The following PRKCB variants were observed in gnomAD, a reference collection of about 807,000 sequenced individuals.
The protein encoded by PRKCB is protein kinase C beta type.
Under a neutral mutation model 81.5 loss-of-function variants are expected in PRKCB, and 13 were observed. That is an observed-to-expected ratio of 0.16 (90% CI 0.10 to 0.25). The LOEUF is 0.25. Among genes scored for constraint, PRKCB ranks in the 10% least tolerant of loss-of-function variants. PRKCB has a pLI of 1.00. For missense variants in PRKCB, 509 were observed against 875.7 expected, an observed-to-expected ratio of 0.58 and a Z score of 5.29; for synonymous variants, 335 against 321.4, an observed-to-expected ratio of 1.04 and a Z score of -0.45.
At chr16:24,126,563 T>C (rs1966844580) in intron 9 of PRKCB, among the ~76,000 whole-genome samples, 1 of 152,172 alleles carries the variant, frequency 6.6e-6, no homozygotes, top group Non-Finnish European at 1.5e-5. Context: ...CATGCCTGGC[T>C]AATTTTTGTT....
At chr16:23,925,436 C>T (rs958682666) in intron 2 of PRKCB, among the ~76,000 whole-genome samples, 1 of 151,972 alleles carries the variant, frequency 6.6e-6, no homozygotes, top group Non-Finnish European at 1.5e-5. Context: ...CTCTCGTTAA[C>T]CAGGATGCCT....
chr16:24,118,156 C>T (rs1382997933), intron 8 of PRKCB, among the ~76,000 whole-genome samples: 1 of 152,198 alleles, frequency 6.6e-6, no homozygotes, highest in African/African-American at 2.4e-5. Context: ...ATTTGAATCC[C>T]AGTTCTGCCA....
chr16:24,147,288 A>G (rs903143135), intron 9 of PRKCB, among the ~76,000 whole-genome samples: 37 of 146,792 alleles, frequency 2.5e-4, no homozygotes, highest in Non-Finnish European at 5.4e-4. Context: ...AGCCTGGGCA[A>G]CAGAGGAGAC....
intron 7 of PRKCB, among the ~76,000 whole-genome samples, chr16:24,110,510 C>CTTT (rs1211090636): frequency 0.029 from 3,218 of 110,940 alleles, 287 homozygotes; most frequent in African/African-American, 0.12. Flanking sequence ...CATGCCCAAC[C>CTTT]TTTTTTTTTT....
intron 5 of PRKCB, among the ~76,000 whole-genome samples, chr16:24,082,275 T>C (rs565815242): frequency 7.2e-5 from 11 of 152,196 alleles, no homozygotes; most frequent in Non-Finnish European, 1.3e-4. Flanking sequence ...AGAGTGAAGA[T>C]AGCAAGTCTT....
chr16:24,204,944 A>AC (rs1247896572), intron 16 of PRKCB, among the ~76,000 whole-genome samples: 7 of 151,954 alleles, frequency 4.6e-5, no homozygotes, highest in Non-Finnish European at 1.0e-4. Context: ...ACATAGTGAA[A>AC]CCCCGTCTCT....
intron 2 of PRKCB, among the ~76,000 whole-genome samples, chr16:23,985,450 GT>G (rs1241833028): frequency 2.0e-5 from 3 of 152,078 alleles, no homozygotes; most frequent in South Asian, 2.1e-4. Context: ...ATGAAGACAT[GT>G]CAAATTTACA....
At chr16:23,990,939 A>G (rs11074596) in intron 3 of PRKCB, among the ~76,000 whole-genome samples, 88,913 of 152,004 alleles carry the variant, frequency 0.58, 26,290 homozygotes, top group South Asian at 0.78. Context: ...AATGAACTGC[A>G]TTCAGCATAC....
rs184850050 is a variant in PRKCB at position 24,104,850 on chromosome 16, C to T, written c.822-8123C>T. Among the ~76,000 whole-genome samples the T allele has an allele frequency of 2.0e-5, 3 of 152,156 alleles. No individual in the cohort carries two copies. In the East Asian group the frequency reaches 5.8e-4, roughly 29 times the overall value. On this transcript the variant is annotated intron_variant, in intron 7 of 16. Transcript: ENST00000643927. ...TTGGAGGATATGGGGAGAGGGTTGGCGGATCCTGTCGGCCTTGTCAGGACT... is the reference window on the plus strand; with the variant it reads ...TTGGAGGATATGGGGAGAGGGTTGGTGGATCCTGTCGGCCTTGTCAGGACT...
Position 24,216,003 on chromosome 16 carries a change from A to T in PRKCB, c.*1187A>T. On this transcript the variant is annotated 3_prime_UTR_variant, in exon 17 of 17. Coordinates refer to ENST00000643927, the MANE Select transcript of PRKCB (RefSeq NM_002738.7). ...AGATACAATAAAAAAAAAAAAAAAG[A>T]AAAGAAGAAGAAATACTATTTCAAG... The T allele has an allele frequency of 3.1e-6, 3 of 983,012 alleles. No homozygotes were observed. The highest frequency in any genetic ancestry group is 3.6e-6 in the Non-Finnish European group (3 of 828,296). The allele number at this position is 983,012 out of a possible 1,614,324, so 60.9% of individuals were successfully genotyped here.
At chr16:24,139,931 G>T (rs1966883444) in intron 9 of PRKCB, among the ~76,000 whole-genome samples, 1 of 152,110 alleles carries the variant, frequency 6.6e-6, no homozygotes. Flanking sequence ...TAATTCCCAA[G>T]CATCTTCTCC....
intron 9 of PRKCB, among the ~76,000 whole-genome samples, chr16:24,144,061 T>G (rs1056448786): frequency 6.6e-6 from 1 of 152,126 alleles, no homozygotes; most frequent in Non-Finnish European, 1.5e-5. Flanking sequence ...ATAGAAAATA[T>G]GAATTTTGTT....
chr16:23,891,021 G>GTATATATAATGTGTGTGTA (rs1555482483), intron 2 of PRKCB, among the ~76,000 whole-genome samples: 3 of 148,318 alleles, frequency 2.0e-5, no homozygotes, highest in Non-Finnish European at 4.4e-5. Context: ...GTGTGTGTGT[G>GTATATATAATGTGTGTGTA]TATATATATA....
chr16:24,168,275 A>G (rs892415093), intron 10 of PRKCB, among the ~76,000 whole-genome samples: 33 of 152,204 alleles, frequency 2.2e-4, no homozygotes, highest in Admixed American at 1.9e-3. Flanking sequence ...GTTAGTAAGT[A>G]GTGCAACAAG....
intron 2 of PRKCB, among the ~76,000 whole-genome samples, chr16:23,955,497 C>T (rs182293527): frequency 6.6e-6 from 1 of 152,246 alleles, no homozygotes; most frequent in Admixed American, 6.5e-5. Flanking sequence ...CGCGCTTGCC[C>T]TCATCCCCAG....
chr16:24,163,867 C>A (rs1266742264), intron 10 of PRKCB, among the ~76,000 whole-genome samples: 1 of 152,200 alleles, frequency 6.6e-6, no homozygotes, highest in African/African-American at 2.4e-5. Flanking sequence ...AGTCTCAGAG[C>A]AAGTATCCAG....
chr16:24,191,314 G>A (rs751402216), intron 16 of PRKCB, 84 bp downstream of exon 16: 1 of 1,516,518 alleles, frequency 6.6e-7, no homozygotes, highest in South Asian at 1.2e-5. Context: ...AATGCTCCCT[G>A]AGGGGTAGAC....
intron 2 of PRKCB, among the ~76,000 whole-genome samples, chr16:23,874,500 G>A (rs1167843581): frequency 2.0e-5 from 3 of 150,926 alleles, no homozygotes; most frequent in Admixed American, 6.6e-5. Context: ...AAATAAGTAT[G>A]TAATATTTTG....
chr16:23,848,645 G>C (rs542966807), intron 2 of PRKCB, among the ~76,000 whole-genome samples: 41 of 152,286 alleles, frequency 2.7e-4, no homozygotes, highest in Non-Finnish European at 4.7e-4. Context: ...CGTGTTTATT[G>C]AGCACATGCT....
Sources: gnomAD v4.1 joint callset for allele counts (sites outside exome capture counted in the v4.1 genomes callset) on GRCh38, gnomAD v4.1.1 for gene constraint, MANE v1.5 for transcripts, NCBI Gene and HGNC (gene_info 2026-07-23, HGNC 2026-07-21) for gene names.